Variants in ARID4A observed in about 807,000 individuals in gnomAD.
The protein encoded by ARID4A is AT-rich interaction domain 4A.
ARID4A carries 39 observed loss-of-function variants against 148.6 expected under a neutral mutation model. The ratio of observed to expected loss-of-function variants is 0.26; its 90% CI spans 0.20 to 0.34. The LOEUF (loss-of-function observed/expected upper bound fraction) is 0.34. Among genes scored for constraint, ARID4A ranks in the 10% least tolerant of loss-of-function variants. The pLI, the probability that ARID4A is intolerant of heterozygous loss-of-function variation, is 1.00. For synonymous variants in ARID4A, 475 were observed against 481.2 expected (o/e 0.99, Z 0.17); for missense variants, 1,265 against 1,449.1 (o/e 0.87, Z 2.06).
intron 5 of ARID4A, among the ~76,000 whole-genome samples, chr14:58,308,666 T>A (rs1217154944): frequency 6.6e-6 from 1 of 152,186 alleles, no homozygotes; most frequent in Non-Finnish European, 1.5e-5. Context: ...TACAATGAAA[T>A]GTAAAACCTC....
At position 58,373,431 on chromosome 14, in the gene ARID4A, TAATATGCTGTAGAATAATAACCTAG is replaced by T. The variant is rs2035685917; in HGVS notation, c.*1444_*1468del. ...TTTTTTAAACCTCCTTTTCTGTGTT[TAATATGCTGTAGAATAATAACCTAG>T]ATGCTCTAGACTGTATATCAGGATC... On this transcript the variant is annotated 3_prime_UTR_variant, in exon 24 of 24. Coordinates refer to ENST00000355431, the MANE Select transcript of ARID4A (RefSeq NM_002892.4). 1.1e-5 allele frequency: 2 copies of T among 181,416 alleles called. No homozygotes were observed. Among genetic ancestry groups the T allele is most frequent in the Non-Finnish European group, 2.4e-5 (2 of 84,948 alleles). The allele number at this position is 181,416 out of a possible 1,614,324, so 11.2% of individuals were successfully genotyped here. A position where few individuals can be genotyped will look rare whatever the true frequency, so the allele number is the denominator to read the frequency against.
chr14:58,334,292 G>A (rs955844168), intron 11 of ARID4A, among the ~76,000 whole-genome samples: 11 of 152,140 alleles, frequency 7.2e-5, no homozygotes, highest in Non-Finnish European at 1.5e-4. Flanking sequence ...TGATTAAAAT[G>A]TGTACCTTTT....
chr14:58,351,167 A>G lies in ARID4A; in HGVS notation c.1499A>G (p.Asn500Ser), dbSNP rs952316440. The part of the protein sequence containing the change: ...EDKLKDNDTE[N>S]KDVDDDYETA... ...AAATTAAAAGATAATGATACAGAAA[A>G]TAAGGATGTAGATGATGACTATGAA... The change falls in exon 16 of 24, where the codon AAT becomes AGT. Residue 500 changes from asparagine (N) to serine (S), a missense_variant. Physicochemically the swap from Asn to Ser is conservative, Grantham distance 46 (BLOSUM62 1). Coordinates refer to ENST00000355431, the MANE Select transcript of ARID4A (RefSeq NM_002892.4). 6.2e-7 allele frequency: 1 copy of G among 1,611,776 alleles called. No homozygotes were observed. Among genetic ancestry groups the G allele is most frequent in the East Asian group, 2.2e-5 (1 of 44,846 alleles).
chr14:58,363,395 T>C (rs1566722926), intron 19 of ARID4A, among the ~76,000 whole-genome samples: 1 of 152,160 alleles, frequency 6.6e-6, no homozygotes, highest in Non-Finnish European at 1.5e-5. Flanking sequence ...AGGATTCCAA[T>C]TGCCCATTTT....
chr14:58,344,867 G>A, intron 12 of ARID4A, 100 bp downstream of exon 12: 1 of 862,842 alleles, frequency 1.2e-6, no homozygotes. Context: ...AAACAGTTTT[G>A]GATTTTATTT....
chr14:58,359,568 C>T (rs2035041776), intron 18 of ARID4A, among the ~76,000 whole-genome samples: 1 of 152,116 alleles, frequency 6.6e-6, no homozygotes, highest in Non-Finnish European at 1.5e-5. Flanking sequence ...AGTAGCTTTA[C>T]TGCCCTAAAA....
At chr14:58,351,616 A>C (rs565183091) in intron 16 of ARID4A, 1 of 248,546 alleles carries the variant, frequency 4.0e-6, no homozygotes, top group East Asian at 7.3e-5. Flanking sequence ...AGGGAGCTGG[A>C]GAAAAATGGA....
rs1418421611 is a variant in ARID4A at position 58,360,993 on chromosome 14, A to C, written c.2031A>C (p.Ser677=). Residue 677 remains serine (S), a synonymous_variant, in exon 19 of 24, where the codon TCA becomes TCC. Transcript: ENST00000355431. ...CTCCTTTAAAATCAACCCTCTCATC[A>C]AACATGCCGTATGGCTTATCTAAGA... ...GRPPLKSTLS[S]NMPYGLSKTA... 1 of 1,614,154 alleles carries C rather than the reference A, an allele frequency of 6.2e-7. No individual in the cohort carries two copies. Among genetic ancestry groups the C allele is most frequent in the South Asian group, 1.1e-5 (1 of 91,078 alleles).
intron 5 of ARID4A, among the ~76,000 whole-genome samples, chr14:58,307,622 C>G (rs1027863045): frequency 2.0e-5 from 3 of 152,192 alleles, no homozygotes; most frequent in African/African-American, 7.2e-5. Context: ...GAGTTCAAGA[C>G]CAGCCTGGCC....
At chr14:58,362,645 C>T (rs1318332125) in intron 19 of ARID4A, among the ~76,000 whole-genome samples, 3 of 151,934 alleles carry the variant, frequency 2.0e-5, no homozygotes, top group Middle Eastern at 3.2e-3. Context: ...GCAACCTCCA[C>T]CTCCTGGGTT....
chr14:58,370,182 T>C (rs895788518), intron 23 of ARID4A: 3 of 152,262 alleles, frequency 2.0e-5, no homozygotes, highest in Admixed American at 6.5e-5. Context: ...TTTACAGAAC[T>C]TTTGAATATC....
At chr14:58,368,359 G>A (rs2035450337) in intron 23 of ARID4A, among the ~76,000 whole-genome samples, 1 of 152,088 alleles carries the variant, frequency 6.6e-6, no homozygotes, top group Non-Finnish European at 1.5e-5. Context: ...CCTACTATTT[G>A]GATGTTCCTG....
chr14:58,311,851 C>T (rs944346028), intron 5 of ARID4A, among the ~76,000 whole-genome samples: 4 of 130,168 alleles, frequency 3.1e-5, no homozygotes, highest in Non-Finnish European at 6.2e-5. Flanking sequence ...AGACAAATAC[C>T]ATATGATCTC....
At chr14:58,355,689 A>G (rs981544658) in intron 17 of ARID4A, among the ~76,000 whole-genome samples, 2 of 152,170 alleles carry the variant, frequency 1.3e-5, no homozygotes, top group Admixed American at 6.5e-5. Flanking sequence ...ACAATGTGTT[A>G]TTGAATTCAG....
intron 18 of ARID4A, among the ~76,000 whole-genome samples, chr14:58,360,120 T>C (rs911947449): frequency 1.3e-5 from 2 of 152,050 alleles, no homozygotes; most frequent in Admixed American, 1.3e-4. Flanking sequence ...TTTCTCTTTA[T>C]AACCCAGGAG....
At position 58,364,330 on chromosome 14, in the gene ARID4A, T is replaced by C; in HGVS notation, c.2241T>C (p.Asn747=). ...TTTCTGCACATATATTAAAAGAAAA[T>C]GATAGGACTCAAATGCAGCCTTTAG... ...PKISAHILKE[N]DRTQMQPLET... Residue 747 remains asparagine (N), a synonymous_variant, in exon 20 of 24, where the codon AAT becomes AAC. Transcript: ENST00000355431. 6.4e-7 allele frequency: 1 copy of C among 1,574,658 alleles called. No individual in the cohort carries two copies. Among genetic ancestry groups the C allele is most frequent in the Non-Finnish European group, 8.6e-7 (1 of 1,169,040 alleles).
intron 11 of ARID4A, among the ~76,000 whole-genome samples, chr14:58,342,422 T>C (rs2034158305): frequency 6.6e-6 from 1 of 152,168 alleles, no homozygotes; most frequent in African/African-American, 2.4e-5. Context: ...AAAATACACA[T>C]AAATCAAATT....
rs764901938 is a variant in ARID4A at position 58,364,273 on chromosome 14, T to A, written c.2184T>A (p.Asn728Lys). 1 of 1,545,270 alleles carries A rather than the reference T, an allele frequency of 6.5e-7. No homozygotes were observed. Among genetic ancestry groups the A allele is most frequent in the Non-Finnish European group, 8.6e-7 (1 of 1,156,276 alleles). ...KDELEKNENL[N>K]DDKLDEENPK... The stretch of plus-strand genomic sequence containing the variant: ...AACTAGAAAAAAATGAAAATTTGAA[T>A]GATGATAAGCTAGATGAAGAAAATC... The change falls in exon 20 of 24, where the codon AAT becomes AAA. Residue 728 changes from asparagine to lysine, a missense_variant. Asn to Lys is a moderately conservative substitution (Grantham distance 94). Transcript: ENST00000355431.
intron 11 of ARID4A, chr14:58,331,534 G>T (rs1407103530): frequency 6.6e-6 from 1 of 152,130 alleles, no homozygotes; most frequent in Non-Finnish European, 1.5e-5. Flanking sequence ...ATTTTTTTGT[G>T]TGTTTAGTTA....
Sources: allele counts gnomAD v4.1 joint callset (sites outside exome capture counted in the v4.1 genomes callset), GRCh38; gene constraint gnomAD v4.1.1; transcripts MANE v1.5; gene names NCBI Gene and HGNC (gene_info 2026-07-23, HGNC 2026-07-21).